The following KCNN4 variants were observed in gnomAD, a reference collection of about 807,000 sequenced individuals.
The protein encoded by KCNN4 is intermediate conductance calcium-activated potassium channel protein 4.
A neutral mutation model predicts 45.2 loss-of-function variants in KCNN4; 31 were observed. The ratio of observed to expected loss-of-function variants is 0.69; its 90% CI spans 0.52 to 0.92. The LOEUF (loss-of-function observed/expected upper bound fraction) is 0.92, where lower values mean the gene tolerates loss of function less well. Among genes scored for constraint, KCNN4 ranks in the 40% least tolerant of loss-of-function variants. The pLI, the probability that KCNN4 is intolerant of heterozygous loss-of-function variation, is 0.00. For synonymous variants in KCNN4, 231 were observed against 254.6 expected (o/e 0.91, Z 0.88); for missense variants, 463 against 574.0 (o/e 0.81, Z 1.98).
intron 4 of KCNN4, among the ~76,000 whole-genome samples, chr19:43,770,851 G>A (rs1969623437): frequency 6.6e-6 from 1 of 152,270 alleles, no homozygotes; most frequent in East Asian, 1.9e-4. Context: ...ATCTCTCTAG[G>A]TTTCTGTTTC....
chr19:43,769,652 G>T lies in KCNN4; in HGVS notation c.930+67C>A. 6.4e-7 allele frequency: 1 copy of T among 1,559,478 alleles called. No homozygotes were observed. The highest frequency in any genetic ancestry group is 8.8e-7 in the Non-Finnish European group (1 of 1,131,504). On this transcript the variant is annotated intron_variant, in intron 5 of 8. Transcript: ENST00000648319. This position sits in a 1 kb window ranked among gnomAD's most constrained non-coding sequence, Gnocchi z 4.4. Reference sequence around the variant, plus strand: ...CTGGGACTCTTGGGTCCTAGGGGAAGCAGGGGCGCCTGGACTCCTGCTTCT... The same window carrying T: ...CTGGGACTCTTGGGTCCTAGGGGAATCAGGGGCGCCTGGACTCCTGCTTCT...
At chr19:43,770,908 C>T (rs1969625380) in intron 4 of KCNN4, among the ~76,000 whole-genome samples, 1 of 152,114 alleles carries the variant, frequency 6.6e-6, no homozygotes, top group Non-Finnish European at 1.5e-5. Context: ...GCTGCAGGTC[C>T]CTAACTGAGT....
rs550696252 is a variant in KCNN4 at position 43,774,786 on chromosome 19, G to A, written c.256-167C>T. Among the ~76,000 whole-genome samples the A allele has an allele frequency of 1.8e-3, 273 of 152,248 alleles. 1 individual carries two copies. Among genetic ancestry groups the A allele is most frequent in the Non-Finnish European group, 3.0e-3 (207 of 68,010 alleles). On this transcript the variant is annotated intron_variant, in intron 2 of 8. Coordinates refer to ENST00000648319, the MANE Select transcript of KCNN4 (RefSeq NM_002250.3). The surrounding 1 kb of genome is among the most constrained non-coding windows in gnomAD (Gnocchi z 5.6). Reference sequence around the variant, plus strand: ...AGGGAGGGAGCGGGACAGGACTTGAGGAAGACATCTTTCCACTTTTTCCTC... The same window carrying A: ...AGGGAGGGAGCGGGACAGGACTTGAAGAAGACATCTTTCCACTTTTTCCTC...
rs1029289938 is a variant in KCNN4 at position 43,772,401 on chromosome 19, A to G, written c.684-266T>C. On this transcript the variant is annotated intron_variant, in intron 3 of 8. Transcript: ENST00000648319. This position sits in a 1 kb window ranked among gnomAD's most constrained non-coding sequence, Gnocchi z 4.4. The stretch of plus-strand genomic sequence containing the variant: ...TTGAGACTGGGTCTGGCCAATCCCA[A>G]TGCCGGTATGGTCTCAGCTAGGCTA... 3.9e-5 allele frequency among the ~76,000 whole-genome samples: 6 copies of G among 152,180 alleles called. No homozygotes were observed. Among genetic ancestry groups the G allele is most frequent in the African/African-American group, 1.4e-4 (6 of 41,436 alleles).
Position 43,780,966 on chromosome 19 carries a change from C to T in KCNN4, c.-105G>A. 3 of 1,191,946 alleles carry T rather than the reference C, an allele frequency of 2.5e-6. No individual in the cohort carries two copies. Among genetic ancestry groups the T allele is most frequent in the Non-Finnish European group, 3.6e-6 (3 of 832,738 alleles). The allele number at this position is 1,191,946 out of a possible 1,614,324, so 73.8% of individuals were successfully genotyped here. A position where few individuals can be genotyped will look rare whatever the true frequency, so the allele number is the denominator to read the frequency against. ...GCTTGCAGGTCGTCAGCCTGCTCTG[C>T]TGGCTCTGGGACTTTTGCTCTGAGG... On this transcript the variant is annotated 5_prime_UTR_variant, in exon 1 of 9. Transcript: ENST00000648319.
chr19:43,771,088 T>G (rs756034100), intron 4 of KCNN4, among the ~76,000 whole-genome samples: 1 of 151,864 alleles, frequency 6.6e-6, no homozygotes, highest in African/African-American at 2.4e-5. Context: ...CCCGATCTTG[T>G]AGGGAGGTGA....
rs1171277499 is a variant in KCNN4 at position 43,769,254 on chromosome 19, C to T, written c.1049+188G>A. 6.0e-6 allele frequency: 4 copies of T among 670,048 alleles called. No individual in the cohort carries two copies. The highest frequency in any genetic ancestry group is 2.5e-5 in the Admixed American group (1 of 40,446). 41.5% of individuals were successfully genotyped at this position (670,048 alleles called of 1,614,324 possible). On this transcript the variant is annotated intron_variant, in intron 6 of 8. Coordinates refer to ENST00000648319, the MANE Select transcript of KCNN4 (RefSeq NM_002250.3). The surrounding 1 kb of genome is among the most constrained non-coding windows in gnomAD (Gnocchi z 4.4). ...AGGTCCGCAGACACACCGAGATATG[C>T]GGAGACAAACCAGCACAGACACATA... is the stretch of plus-strand genomic sequence containing the variant.
chr19:43,769,139 G>C lies in KCNN4; in HGVS notation c.1050-107C>G. The C allele has an allele frequency of 7.8e-7, 1 of 1,274,830 alleles. No individual in the cohort carries two copies. 79.0% of individuals were successfully genotyped at this position (1,274,830 alleles called of 1,614,324 possible). A position where few individuals can be genotyped will look rare whatever the true frequency, so the allele number is the denominator to read the frequency against. On this transcript the variant is annotated intron_variant, in intron 6 of 8. Transcript: ENST00000648319. This position sits in a 1 kb window ranked among gnomAD's most constrained non-coding sequence, Gnocchi z 4.4. ...GAGGCACATGAAGAAACAAAACAAA[G>C]AAACAAAGTTGTCGAAGAGCTGAAA... is the stretch of plus-strand genomic sequence containing the variant.
In KCNN4 at chr19:43,772,332, T is replaced by G. The variant is rs560365391; in HGVS notation, c.684-197A>C. Among the ~76,000 whole-genome samples, 210 of 152,222 alleles carry G rather than the reference T, an allele frequency of 1.4e-3. No individual in the cohort carries two copies. Among genetic ancestry groups the G allele is most frequent in the African/African-American group, 4.6e-3 (192 of 41,532 alleles). ...GCTTTGGAAAGCCTGCATGGCCTCC[T>G]CTCTGCTGTGTGACCTGGGCAAGTT... On this transcript the variant is annotated intron_variant, in intron 3 of 8. Transcript: ENST00000648319. The surrounding 1 kb of genome is among the most constrained non-coding windows in gnomAD (Gnocchi z 4.4).
chr19:43,774,556 G>C lies in KCNN4; in HGVS notation c.319C>G (p.Gln107Glu). 1 of 1,562,644 alleles carries C rather than the reference G, an allele frequency of 6.4e-7. No homozygotes were observed. Among genetic ancestry groups the C allele is most frequent in the South Asian group, 1.2e-5 (1 of 85,772 alleles). ...RVALTGRQAA[Q>E]IVLELVVCGL... is the part of the protein sequence containing the mutation. ...CACACCACCAGCTCCAGCACGATCT[G>C]CGCCGCCTGCCGCCCGGTCAGCGCC... The change falls in exon 3 of 9, where the codon CAG (glutamine) becomes GAG (glutamate). Residue 107 changes from glutamine (Q) to glutamate (E), a missense_variant. By Grantham distance (29) the Gln-to-Glu change is conservative. Transcript: ENST00000648319. The surrounding 1 kb of genome is among the most constrained non-coding windows in gnomAD (Gnocchi z 5.6).
rs748102780 is a variant in KCNN4, at chr19:43,771,991, T to A, written c.819+9A>T. 3.1e-6 allele frequency: 5 copies of A among 1,600,022 alleles called. No homozygotes were observed. The highest frequency in any genetic ancestry group is 4.3e-6 in the Non-Finnish European group (5 of 1,174,362). On this transcript the variant is annotated intron_variant, in intron 4 of 8. Transcript: ENST00000648319. ...ATAGGGATCATGTCCCCAAGGCAGC[T>A]GTACTCACCATGACTCCAGTGCACA...
rs911465777 is a variant in KCNN4, at chr19:43,769,968, C to A, written c.820-139G>T. The A allele has an allele frequency of 1.6e-5, 10 of 633,902 alleles. No homozygotes were observed. The highest frequency in any genetic ancestry group is 2.2e-5 in the Non-Finnish European group (8 of 357,104). 39.3% of individuals were successfully genotyped at this position (633,902 alleles called of 1,614,324 possible). ...GAGGCTCAGAGAGGAGAGCCAAGGT[C>A]CCAGCTCAGAGCGGTGGAGCTAGAA... On this transcript the variant is annotated intron_variant, in intron 4 of 8. Transcript: ENST00000648319. The surrounding 1 kb of genome is among the most constrained non-coding windows in gnomAD (Gnocchi z 4.4).
intron 2 of KCNN4, among the ~76,000 whole-genome samples, 200 bp downstream of exon 2, chr19:43,776,341 G>A (rs143544977): frequency 9.6e-4 from 146 of 151,970 alleles, no homozygotes; most frequent in South Asian, 1.9e-3. Flanking sequence ...GGACTACAGG[G>A]GAAGGCGGAG....
intron 3 of KCNN4, among the ~76,000 whole-genome samples, chr19:43,773,774 A>T (rs746788455): frequency 7.2e-5 from 11 of 152,156 alleles, no homozygotes; most frequent in Non-Finnish European, 1.5e-4. Context: ...TAGGATCACA[A>T]AAAGCACCTA....
At position 43,774,391 on chromosome 19, in the gene KCNN4, G is replaced by C; in HGVS notation, c.484C>G (p.Leu162Val). Reference protein sequence around the residue: ...LSLAMLLRLYLVPRAVLLRSG... With the variant: ...LSLAMLLRLYVVPRAVLLRSG... ...CGCAGGAGCACGGCGCGGGGCACCAGGTAGAGACGCAGCAGCATGGCCAGG... is the reference window on the plus strand; with the variant it reads ...CGCAGGAGCACGGCGCGGGGCACCACGTAGAGACGCAGCAGCATGGCCAGG... Residue 162 changes from leucine to valine, a missense_variant, in exon 3 of 9, where the codon CTG becomes GTG. Leu to Val is a conservative substitution (Grantham distance 32). This residue lies in a region of KCNN4 where 225 missense variants were observed against 240.9 expected (regional missense o/e 0.93). Coordinates refer to ENST00000648319, the MANE Select transcript of KCNN4 (RefSeq NM_002250.3). This position sits in a 1 kb window ranked among gnomAD's most constrained non-coding sequence, Gnocchi z 5.6. The C allele has an allele frequency of 6.2e-7, 1 of 1,602,252 alleles. No individual in the cohort carries two copies. The highest frequency in any genetic ancestry group is 8.5e-7 in the Non-Finnish European group (1 of 1,174,782).
At chr19:43,777,079 G>A (rs112572958) in intron 1 of KCNN4, among the ~76,000 whole-genome samples, 6,618 of 152,056 alleles carry the variant, frequency 0.044, 471 homozygotes, top group African/African-American at 0.15. Context: ...GCGAGTCTCC[G>A]TCTCGAAACA....
chr19:43,772,168 C>T lies in KCNN4; in HGVS notation c.684-33G>A, dbSNP rs1969661082. ...GAAGGGTAGGTTAGTTCTAAAACCCCACCATAGAGGTTTCCATGATATTCA... is the reference window on the plus strand; with the variant it reads ...GAAGGGTAGGTTAGTTCTAAAACCCTACCATAGAGGTTTCCATGATATTCA... On this transcript the variant is annotated intron_variant, in intron 3 of 8. Transcript: ENST00000648319. This position sits in a 1 kb window ranked among gnomAD's most constrained non-coding sequence, Gnocchi z 4.4. The T allele has an allele frequency of 2.5e-6, 4 of 1,609,846 alleles. No homozygotes were observed. The highest frequency in any genetic ancestry group is 3.4e-6 in the Non-Finnish European group (4 of 1,178,510).
intron 1 of KCNN4, 138 bp from the exon 2 acceptor site, chr19:43,776,774 C>G (rs2146462721): frequency 1.5e-6 from 1 of 647,196 alleles, no homozygotes; most frequent in South Asian, 1.8e-5. Context: ...ATCAGTCCCT[C>G]TTGATGTGTC....
At position 43,772,040 on chromosome 19, in the gene KCNN4, G is replaced by A; in HGVS notation, c.779C>T (p.Thr260Ile). The A allele has an allele frequency of 6.2e-7, 1 of 1,613,418 alleles. No homozygotes were observed. ...CAGGCAGACGATCTTGCCCCACATGGTGCCCGGCACCACGTCACCATAGCC... is the reference window on the plus strand; with the variant it reads ...CAGGCAGACGATCTTGCCCCACATGATGCCCGGCACCACGTCACCATAGCC... The part of the protein sequence containing the change: ...TIGYGDVVPG[T>I]MWGKIVCLCT... Residue 260 changes from threonine to isoleucine, a missense_variant, in exon 4 of 9, where the codon ACC becomes ATC. By Grantham distance (89) the Thr-to-Ile change is moderately conservative (BLOSUM62 -1). This residue lies in a region of KCNN4 where 109 missense variants were observed against 183.7 expected (regional missense o/e 0.59). Transcript: ENST00000648319. This position sits in a 1 kb window ranked among gnomAD's most constrained non-coding sequence, Gnocchi z 4.4.
Sources: allele counts gnomAD v4.1 joint callset (sites outside exome capture counted in the v4.1 genomes callset), GRCh38; gene constraint gnomAD v4.1.1; regional missense constraint gnomAD v4.1.1; non-coding constraint Gnocchi (gnomAD v3.1); transcripts MANE v1.5; gene names NCBI Gene and HGNC (gene_info 2026-07-23, HGNC 2026-07-21).